Variants in GPATCH8 observed in about 807,000 individuals in gnomAD.
The protein encoded by GPATCH8 is G patch domain-containing protein 8.
A neutral mutation model predicts 118.3 loss-of-function variants in GPATCH8; 18 were observed. The observed-to-expected ratio is 0.15, with a 90% CI of 0.11 to 0.23. The LOEUF (loss-of-function observed/expected upper bound fraction) is 0.23. Ranked by LOEUF, GPATCH8 falls within the 10% of genes least tolerant of loss-of-function variation. GPATCH8 has a pLI of 1.00. For missense variants in GPATCH8, 1,631 were observed against 1,873.8 expected, an observed-to-expected ratio of 0.87 and a Z score of 2.39; for synonymous variants, 659 against 684.7, an observed-to-expected ratio of 0.96 and a Z score of 0.59.
chr17:44,419,048 C>T (rs892868036), intron 6 of GPATCH8, among the ~76,000 whole-genome samples: 4 of 152,126 alleles, frequency 2.6e-5, no homozygotes, highest in Admixed American at 6.5e-5. Flanking sequence ...ATAACACCCC[C>T]GCATCCTGTC....
chr17:44,467,195 T>C, intron 2 of GPATCH8: 2 of 468,938 alleles, frequency 4.3e-6, no homozygotes, highest in East Asian at 7.1e-5. Flanking sequence ...TGTCTTGTTT[T>C]CAATTCACTG....
intron 1 of GPATCH8, among the ~76,000 whole-genome samples, 161 bp from the exon 2 acceptor site, chr17:44,475,064 C>T (rs114916884): frequency 2.2e-3 from 342 of 152,038 alleles, no homozygotes; most frequent in African/African-American, 7.7e-3. Flanking sequence ...AACCACACCA[C>T]AAATTCCAAC....
At chr17:44,463,984 T>G (rs1464794481) in intron 3 of GPATCH8, among the ~76,000 whole-genome samples, 1 of 152,150 alleles carries the variant, frequency 6.6e-6, no homozygotes, top group African/African-American at 2.4e-5. Flanking sequence ...AGGTTAATTT[T>G]TCTTCTCTAC....
At chr17:44,480,481 CAAG>C (rs1431773282) in intron 1 of GPATCH8, among the ~76,000 whole-genome samples, 1 of 151,822 alleles carries the variant, frequency 6.6e-6, no homozygotes, top group African/African-American at 2.4e-5. Flanking sequence ...TTTGGGAGGC[CAAG>C]GAGGGCAGAT....
At chr17:44,434,686 G>A (rs541913440) in intron 5 of GPATCH8, among the ~76,000 whole-genome samples, 35 of 152,300 alleles carry the variant, frequency 2.3e-4, no homozygotes, top group Middle Eastern at 6.8e-3. Context: ...GAGTGTTGGG[G>A]TTACAAGTGT....
intron 7 of GPATCH8, among the ~76,000 whole-genome samples, chr17:44,403,193 A>G (rs2049092767): frequency 1.3e-5 from 2 of 152,058 alleles, no homozygotes; most frequent in African/African-American, 4.8e-5. Flanking sequence ...CTCCTCCCTC[A>G]GCCTCCCAAG....
chr17:44,457,141 G>A (rs534677608), intron 3 of GPATCH8, among the ~76,000 whole-genome samples: 48 of 152,228 alleles, frequency 3.2e-4, no homozygotes, highest in Non-Finnish European at 1.5e-5. Context: ...GGGATTACAG[G>A]TGTGACCCAC....
At chr17:44,413,291 G>C (rs2049517444) in intron 6 of GPATCH8, among the ~76,000 whole-genome samples, 1 of 152,158 alleles carries the variant, frequency 6.6e-6, no homozygotes, top group South Asian at 2.1e-4. Context: ...TTATTTTTGA[G>C]ACAGAGTCTC....
chr17:44,449,142 T>C (rs1258488852), intron 3 of GPATCH8, among the ~76,000 whole-genome samples: 2 of 152,092 alleles, frequency 1.3e-5, no homozygotes, highest in African/African-American at 2.4e-5. Context: ...CCAGGCGTGA[T>C]GGCACATGCC....
rs2048919588 is a variant in GPATCH8 at position 44,399,437 on chromosome 17, C to A, written c.2640G>T (p.Gln880His). 3.7e-6 allele frequency: 6 copies of A among 1,614,026 alleles called. No individual in the cohort carries two copies. Among genetic ancestry groups the A allele is most frequent in the Non-Finnish European group, 5.1e-6 (6 of 1,180,014 alleles). The change falls in exon 8 of 8, where the codon CAG becomes CAT. Residue 880 changes from glutamine to histidine, a missense_variant. Physicochemically the swap from Gln to His is conservative, Grantham distance 24 (BLOSUM62 0). Transcript: ENST00000591680. ...AACTGCGCTGTCTACTATAGCAGCT[C>A]TGGTCTGAAGAGGCATCTGAGCTAC... ...YSSSSDASSDQSCYSRQRSYS... is the reference protein window; with the variant it reads ...YSSSSDASSDHSCYSRQRSYS...
At chr17:44,462,842 G>A (rs1568024879) in intron 3 of GPATCH8, among the ~76,000 whole-genome samples, 1 of 152,006 alleles carries the variant, frequency 6.6e-6, no homozygotes, top group Non-Finnish European at 1.5e-5. Context: ...TTAGCTGGGC[G>A]TGGTGGCAGG....
chr17:44,461,929 G>C (rs1344216545), intron 3 of GPATCH8, among the ~76,000 whole-genome samples: 2 of 151,966 alleles, frequency 1.3e-5, no homozygotes, highest in Non-Finnish European at 2.9e-5. Context: ...CAAACTCCTG[G>C]GCTCAGGTGA....
intron 1 of GPATCH8, among the ~76,000 whole-genome samples, chr17:44,497,111 G>A (rs1309395381): frequency 3.3e-5 from 5 of 152,162 alleles, no homozygotes; most frequent in Non-Finnish European, 5.9e-5. Context: ...ACAAGCAAAA[G>A]TACCAAGTTG....
intron 6 of GPATCH8, among the ~76,000 whole-genome samples, chr17:44,419,659 ATT>A (rs112751479): frequency 2.0e-5 from 3 of 147,222 alleles, no homozygotes; most frequent in African/African-American, 5.1e-5. Context: ...CATCAGGGTA[ATT>A]TTTTTTTTTT....
At chr17:44,423,461 G>C (rs1350418988) in intron 6 of GPATCH8, among the ~76,000 whole-genome samples, 1 of 152,028 alleles carries the variant, frequency 6.6e-6, no homozygotes, top group African/African-American at 2.4e-5. Flanking sequence ...AAATCTTATG[G>C]TTGGTGGAAG....
Position 44,429,649 on chromosome 17 carries a change from A to AACACACACACACACACACACACACACAC in GPATCH8, c.349-5185_349-5158dup, listed in dbSNP as rs144232073. On this transcript the variant is annotated intron_variant, in intron 5 of 7. Transcript: ENST00000591680. Reference sequence around the variant, plus strand: ...ACATGGTGAAACCCCGTCTCTACTAAACACACACACACACACACACACACA... The same window carrying AACACACACACACACACACACACACACAC: ...ACATGGTGAAACCCCGTCTCTACTAAACACACACACACACACACACACACACACACACACACACACACACACACACACA... 9.4e-4 allele frequency among the ~76,000 whole-genome samples: 118 copies of AACACACACACACACACACACACACACAC among 125,674 alleles called. 1 individual carries two copies. The highest frequency in any genetic ancestry group is 1.1e-3 in the Non-Finnish European group (64 of 58,670). 82.4% of individuals were successfully genotyped at this position (125,674 alleles called of 152,430 possible).
intron 3 of GPATCH8, among the ~76,000 whole-genome samples, chr17:44,442,127 A>AGC (rs1371280224): frequency 2.1e-5 from 3 of 142,414 alleles, no homozygotes; most frequent in Non-Finnish European, 4.5e-5. Flanking sequence ...ATATATAGAG[A>AGC]GAGAGAGAGA....
chr17:44,439,418 C>G (rs1294875521), intron 3 of GPATCH8, among the ~76,000 whole-genome samples: 1 of 152,216 alleles, frequency 6.6e-6, no homozygotes, highest in South Asian at 2.1e-4. Context: ...ATCACAAGAG[C>G]TGTCACATTT....
chr17:44,414,145 GTA>G (rs58207923), intron 6 of GPATCH8, among the ~76,000 whole-genome samples: 4,629 of 29,322 alleles, frequency 0.16, 233 homozygotes, highest in African/African-American at 0.29. Flanking sequence ...ATATATATGT[GTA>G]TATATATATG....
Sources: allele counts gnomAD v4.1 joint callset (sites outside exome capture counted in the v4.1 genomes callset), GRCh38; gene constraint gnomAD v4.1.1; transcripts MANE v1.5; gene names NCBI Gene and HGNC (gene_info 2026-07-23, HGNC 2026-07-21).